SGTA: variants seen among roughly 807,000 people sequenced by gnomAD.
The protein encoded by SGTA is small glutamine-rich tetratricopeptide repeat-containing protein alpha.
A neutral mutation model predicts 44.3 loss-of-function variants in SGTA; 22 were observed. The ratio of observed to expected loss-of-function variants is 0.50; its 90% confidence interval spans 0.36 to 0.71. The LOEUF (loss-of-function observed/expected upper bound fraction) is 0.71. Among genes scored for constraint, SGTA ranks in the 30% least tolerant of loss-of-function variants. The pLI, the probability that SGTA is intolerant of heterozygous loss-of-function variation, is 0.00. For synonymous variants in SGTA, 174 were observed against 177.6 expected, an observed-to-expected ratio of 0.98 and a Z score of 0.16; for missense variants, 341 against 435.9, an observed-to-expected ratio of 0.78 and a Z score of 1.94.
intron 1 of SGTA, among the ~76,000 whole-genome samples, chr19:2,770,985 G>C (rs1031914904): frequency 4.6e-5 from 7 of 152,264 alleles, no homozygotes; most frequent in Admixed American, 3.9e-4. Context: ...TGCAAAGCCT[G>C]TGAGCTCGGA....
chr19:2,773,856 G>C (rs1282859733), intron 1 of SGTA, among the ~76,000 whole-genome samples: 1 of 79,278 alleles, frequency 1.3e-5, no homozygotes, highest in Non-Finnish European at 2.3e-5. Flanking sequence ...ACACGGCAGG[G>C]ACACCGAGGG....
intron 1 of SGTA, among the ~76,000 whole-genome samples, chr19:2,778,365 G>A (rs1462474448): frequency 6.6e-6 from 1 of 152,140 alleles, no homozygotes; most frequent in Non-Finnish European, 1.5e-5. Context: ...GGTGGCAGGT[G>A]GCTAGGGACC....
intron 1 of SGTA, among the ~76,000 whole-genome samples, chr19:2,769,992 TCCCCCCTCGGACACCCGCCTGTG>T (rs1264728068): frequency 1.3e-3 from 34 of 26,276 alleles, no homozygotes; most frequent in African/African-American, 5.0e-3. Flanking sequence ...CCCGCCTGGT[TCCCCCCTCGGACACCCGCCTGTG>T]CCCCCCTCGG....
At chr19:2,771,138 C>T (rs368894870) in intron 1 of SGTA, among the ~76,000 whole-genome samples, 18 of 152,338 alleles carry the variant, frequency 1.2e-4, no homozygotes, top group African/African-American at 2.9e-4. Context: ...GTTAATATCA[C>T]GATTCTGCCA....
At position 2,755,810 on chromosome 19, in the gene SGTA, T is replaced by C. The variant is rs2144715781; in HGVS notation, c.*130A>G. The stretch of plus-strand genomic sequence containing the variant: ...CAGAGATAAAAGGGGAAAATCCATC[T>C]TGACATGCAGGTCCGAGGTCTCTCT... On this transcript the variant is annotated 3_prime_UTR_variant, in exon 12 of 12. Transcript: ENST00000221566. This position sits in a 1 kb window ranked among gnomAD's most constrained non-coding sequence, Gnocchi z 5.2. 9.1e-6 allele frequency: 9 copies of C among 985,548 alleles called. No homozygotes were observed. The highest frequency in any genetic ancestry group is 1.1e-5 in the Non-Finnish European group (9 of 830,006). The allele number at this position is 985,548 out of a possible 1,614,324, so 61.1% of individuals were successfully genotyped here. A position where few individuals can be genotyped will look rare whatever the true frequency, so the allele number is the denominator to read the frequency against.
Position 2,767,814 on chromosome 19 carries a change from G to A in SGTA, c.101-128C>T, listed in dbSNP as rs1219640256. On this transcript the variant is annotated intron_variant, in intron 2 of 11. Coordinates refer to ENST00000221566, the MANE Select transcript of SGTA (RefSeq NM_003021.4). The surrounding 1 kb of genome is among the most constrained non-coding windows in gnomAD (Gnocchi z 7.3). Reference sequence around the variant, plus strand: ...TCATTCCCAAGGACCCCAGAACGCAGGGGCCGCCGCCTGTGCTCTGGGCTG... The same window carrying A: ...TCATTCCCAAGGACCCCAGAACGCAAGGGCCGCCGCCTGTGCTCTGGGCTG... The A allele has an allele frequency of 8.5e-6, 6 of 708,884 alleles. No individual in the cohort carries two copies. The African/African-American group carries it at 8.8e-5, about 10-fold the overall frequency. 43.9% of individuals were successfully genotyped at this position (708,884 alleles called of 1,614,324 possible).
chr19:2,778,040 T>C, intron 1 of SGTA: 1 of 134,410 alleles, frequency 7.4e-6, no homozygotes, highest in South Asian at 2.4e-4. Context: ...AAAAAAGAAA[T>C]CAGACCTGGC....
Position 2,763,718 on chromosome 19 carries a change from C to T in SGTA, c.432G>A (p.Ala144=), listed in dbSNP as rs757710813. 12 of 1,613,684 alleles carry T rather than the reference C, an allele frequency of 7.4e-6. No individual in the cohort carries two copies. Among genetic ancestry groups the T allele is most frequent in the African/African-American group, 5.3e-5 (4 of 74,918 alleles). ...AYSKLGNYAG[A]VQDCERAICI... ...AGATGGCCCGCTCACAGTCCTGCAC[C>T]GCGCCTGCGTAGTTGCCGAGTTTGC... The change falls in exon 6 of 12, where the codon GCG becomes GCA. Residue 144 remains alanine, a synonymous_variant. Coordinates refer to ENST00000221566, the MANE Select transcript of SGTA (RefSeq NM_003021.4). This position sits in a 1 kb window ranked among gnomAD's most constrained non-coding sequence, Gnocchi z 5.8.
At chr19:2,780,490 G>C in intron 1 of SGTA, among the ~76,000 whole-genome samples, 1 of 151,998 alleles carries the variant, frequency 6.6e-6, no homozygotes, top group East Asian at 1.9e-4. Flanking sequence ...TCACCAGCTG[G>C]GGGTCATCTG....
intron 1 of SGTA, chr19:2,770,839 C>G (rs916977898): frequency 1.3e-5 from 2 of 153,322 alleles, no homozygotes; most frequent in African/African-American, 4.8e-5. Flanking sequence ...CCCTTGGGGC[C>G]TTCAGAGGGA....
In SGTA at chr19:2,769,021, A is replaced by C. The variant is rs759624865; in HGVS notation, c.48T>G (p.His16Gln). Residue 16 changes from histidine (H) to glutamine (Q), a missense_variant, in exon 2 of 12, where the codon CAT becomes CAG. Transcript: ENST00000221566. ...RLAYAIIQFL[H>Q]DQLRHGGLSS... is the part of the protein sequence containing the mutation. ...AGAGGCCCCCGTGCCGGAGCTGGTC[A>C]TGCAGGAACTGGATGATGGCGTAGG... The C allele has an allele frequency of 3.1e-6, 5 of 1,614,038 alleles. No homozygotes were observed. The South Asian group carries it at 5.5e-5, about 18-fold the overall frequency.
chr19:2,775,389 C>A (rs915965631), intron 1 of SGTA, among the ~76,000 whole-genome samples: 1 of 152,250 alleles, frequency 6.6e-6, no homozygotes, highest in Non-Finnish European at 1.5e-5. Context: ...AAGGCATTGG[C>A]CCGCCACGCT....
Position 2,761,598 on chromosome 19 carries a change from C to A in SGTA, c.637-76G>T. The stretch of plus-strand genomic sequence containing the variant: ...TGAATAACCCCCTGGAACTCAGAAA[C>A]AACGGCCCCCCACGGGGCTCAGACA... On this transcript the variant is annotated intron_variant, in intron 7 of 11. Transcript: ENST00000221566. The surrounding 1 kb of genome is among the most constrained non-coding windows in gnomAD (Gnocchi z 5.7). The A allele has an allele frequency of 8.1e-7, 1 of 1,228,888 alleles. No homozygotes were observed. Among genetic ancestry groups the A allele is most frequent in the Non-Finnish European group, 1.2e-6 (1 of 856,928 alleles). The allele number at this position is 1,228,888 out of a possible 1,614,324, so 76.1% of individuals were successfully genotyped here. A position where few individuals can be genotyped will look rare whatever the true frequency, so the allele number is the denominator to read the frequency against.
rs777111818 is a variant in SGTA, at chr19:2,763,381, T to A, written c.497+272A>T. Among the ~76,000 whole-genome samples, 3 of 151,810 alleles carry A rather than the reference T, an allele frequency of 2.0e-5. No individual in the cohort carries two copies. Among genetic ancestry groups the A allele is most frequent in the Non-Finnish European group, 2.9e-5 (2 of 67,928 alleles). On this transcript the variant is annotated intron_variant, in intron 6 of 11. Transcript: ENST00000221566. The surrounding 1 kb of genome is among the most constrained non-coding windows in gnomAD (Gnocchi z 5.8). The stretch of plus-strand genomic sequence containing the variant: ...GCCCCAGCAAACAATGGAGCCTGAG[T>A]AGGAGCCATGGGAACCCCAGGTGAC...
rs1266126781 is a variant in SGTA at position 2,767,383 on chromosome 19, C to T, written c.208-163G>A. On this transcript the variant is annotated intron_variant, in intron 3 of 11. Transcript: ENST00000221566. This position sits in a 1 kb window ranked among gnomAD's most constrained non-coding sequence, Gnocchi z 7.3. The stretch of plus-strand genomic sequence containing the variant: ...CCATCATGTGGCCCTGGGCGAGTGA[C>T]CACAGCGCTATGTGTCTCAGGACCC... 6.6e-6 allele frequency among the ~76,000 whole-genome samples: 1 copy of T among 152,156 alleles called. No individual in the cohort carries two copies. The highest frequency in any genetic ancestry group is 1.5e-5 in the Non-Finnish European group (1 of 68,002).
chr19:2,777,040 A>G (rs932340797), intron 1 of SGTA, among the ~76,000 whole-genome samples: 34 of 151,786 alleles, frequency 2.2e-4, no homozygotes, highest in African/African-American at 8.0e-4. Flanking sequence ...AGGCAGGCGG[A>G]TCACCTGACA....
At chr19:2,757,917 C>A (rs1031040068) in intron 9 of SGTA, 135 bp from the exon 10 acceptor site, 3 of 573,036 alleles carry the variant, frequency 5.2e-6, no homozygotes, top group African/African-American at 3.8e-5. Context: ...TCTCTCACCA[C>A]CTGGTGGGCC....
At position 2,757,680 on chromosome 19, in the gene SGTA, C is replaced by T. The variant is rs760540405; in HGVS notation, c.827+13G>A. The T allele has an allele frequency of 6.5e-7, 1 of 1,548,478 alleles. No individual in the cohort carries two copies. The highest frequency in any genetic ancestry group is 8.7e-7 in the Non-Finnish European group (1 of 1,147,410). On this transcript the variant is annotated intron_variant, in intron 10 of 11. Coordinates refer to ENST00000221566, the MANE Select transcript of SGTA (RefSeq NM_003021.4). ...CCCACGTCCTCCGTCCTCTTGGAAG[C>T]AGTTCCACTCACGCCTGGATGAGGC...
intron 6 of SGTA, 49 bp from the exon 7 acceptor site, chr19:2,762,693 G>A (rs367859183): frequency 1.6e-5 from 25 of 1,605,924 alleles, no homozygotes; most frequent in East Asian, 2.2e-5. Flanking sequence ...CCAGCTCCAG[G>A]AGGCCCCGCC....
Sources: allele counts gnomAD v4.1 joint callset (sites outside exome capture counted in the v4.1 genomes callset), GRCh38; gene constraint gnomAD v4.1.1; non-coding constraint Gnocchi (gnomAD v3.1); transcripts MANE v1.5; gene names NCBI Gene and HGNC (gene_info 2026-07-23, HGNC 2026-07-21).